The following XPO6 variants were observed in gnomAD, a reference collection of about 807,000 sequenced individuals.
XPO6 encodes the protein exportin 6, also known as exportin-6.
A neutral mutation model predicts 130.0 loss-of-function variants in XPO6; 3 were observed. That is an observed-to-expected ratio of 0.02 (90% CI 0.01 to 0.06). XPO6 has a LOEUF of 0.06. Among genes scored for constraint, XPO6 ranks in the 10% least tolerant of loss-of-function variants. XPO6 has a pLI of 1.00. For synonymous variants in XPO6, 524 were observed against 548.9 expected (o/e 0.95, Z 0.63); for missense variants, 970 against 1,393.0 (o/e 0.70, Z 4.83).
intron 4 of XPO6, among the ~76,000 whole-genome samples, chr16:28,171,188 C>G (rs143961117): frequency 6.6e-6 from 1 of 151,448 alleles, no homozygotes; most frequent in Non-Finnish European, 1.5e-5. Flanking sequence ...ATACAGGGTA[C>G]GGGCTGGGCG....
chr16:28,193,060 C>A (rs2043809792), intron 1 of XPO6, among the ~76,000 whole-genome samples: 1 of 152,256 alleles, frequency 6.6e-6, no homozygotes, highest in South Asian at 2.1e-4. Flanking sequence ...GTTCTTCTTA[C>A]GTAAACTCCA....
At chr16:28,172,670 T>C (rs964987893) in intron 4 of XPO6, among the ~76,000 whole-genome samples, 2 of 152,004 alleles carry the variant, frequency 1.3e-5, no homozygotes, top group Non-Finnish European at 2.9e-5. Context: ...CCCCTCTCTA[T>C]CTGGTTATGG....
chr16:28,193,720 GAGA>G (rs2043817532), intron 1 of XPO6, among the ~76,000 whole-genome samples: 1 of 152,138 alleles, frequency 6.6e-6, no homozygotes, highest in Admixed American at 6.5e-5. Context: ...TCCCTGGAGA[GAGA>G]AGATGATAAC....
intron 4 of XPO6, among the ~76,000 whole-genome samples, chr16:28,170,332 C>CAA (rs10638478): frequency 0.071 from 5,769 of 81,198 alleles, 421 homozygotes; most frequent in East Asian, 0.23. Flanking sequence ...AACTCTGTCT[C>CAA]AAAAAAAAAA....
intron 1 of XPO6, among the ~76,000 whole-genome samples, chr16:28,196,534 A>T (rs184481316): frequency 1.3e-5 from 2 of 152,290 alleles, no homozygotes; most frequent in East Asian, 3.9e-4. Context: ...ACCGAACTGC[A>T]TACTTTAAAA....
At chr16:28,182,216 C>T (rs1309481379) in intron 1 of XPO6, among the ~76,000 whole-genome samples, 2 of 152,188 alleles carry the variant, frequency 1.3e-5, no homozygotes, top group East Asian at 1.9e-4. Flanking sequence ...AAACAACAAG[C>T]CCACACTCAA....
intron 1 of XPO6, among the ~76,000 whole-genome samples, chr16:28,191,855 G>C (rs2043791524): frequency 6.6e-6 from 1 of 152,220 alleles, no homozygotes; most frequent in Non-Finnish European, 1.5e-5. Context: ...TACTGCTCAG[G>C]TGAGTAATTT....
Position 28,135,253 on chromosome 16 carries a change from T to G in XPO6, c.1406A>C (p.Gln469Pro). ...AGTCTCATCATCCAACTCCTCCAGC[T>G]GGGCTTGGTTGTATCTGAACTGGAT... The part of the protein sequence containing the change: ...NRIQFRYNQA[Q>P]LEELDDETLD... Residue 469 changes from glutamine to proline, a missense_variant, in exon 10 of 24, where the codon CAG (glutamine) becomes CCG (proline). Gln to Pro is a moderately conservative substitution (Grantham distance 76). Transcript: ENST00000304658. The G allele has an allele frequency of 1.9e-6, 3 of 1,613,994 alleles. No individual in the cohort carries two copies. Among genetic ancestry groups the G allele is most frequent in the Non-Finnish European group, 2.5e-6 (3 of 1,179,940 alleles).
In XPO6 at chr16:28,124,058, CTT is replaced by C. The variant is rs5816463; in HGVS notation, c.1766+1629_1766+1630del. Among the ~76,000 whole-genome samples, 644 of 138,224 alleles carry C rather than the reference CTT, an allele frequency of 4.7e-3. 4 individuals are homozygous for C. Among genetic ancestry groups the C allele is most frequent in the African/African-American group, 0.016 (609 of 37,142 alleles). 90.7% of individuals were successfully genotyped at this position (138,224 alleles called of 152,430 possible). On this transcript the variant is annotated intron_variant, in intron 13 of 23. Coordinates refer to ENST00000304658, the MANE Select transcript of XPO6 (RefSeq NM_015171.4). ...AAGTTGAGATGACTGACAGATATAC[CTT>C]TTTTTTTTTTTTTTGAGACGGAGTT...
intron 6 of XPO6, among the ~76,000 whole-genome samples, chr16:28,164,472 C>G (rs1429881445): frequency 6.6e-6 from 1 of 152,090 alleles, no homozygotes; most frequent in African/African-American, 2.4e-5. Context: ...AATGAACATG[C>G]AATTTTTTTT....
chr16:28,155,999 TGCCATGCAGCACAG>T, intron 7 of XPO6, 61 bp downstream of exon 7: 1 of 1,516,546 alleles, frequency 6.6e-7, no homozygotes, highest in Non-Finnish European at 8.8e-7. Context: ...GGATTACAGA[TGCCATGCAGCACAG>T]CATGGTAAAC....
intron 15 of XPO6, 95 bp downstream of exon 15, chr16:28,117,221 ACT>A: frequency 2.0e-6 from 3 of 1,509,966 alleles, no homozygotes; most frequent in Non-Finnish European, 2.7e-6. Flanking sequence ...TATGGGTCTA[ACT>A]CTGTGTCATA....
chr16:28,106,393 T>A lies in XPO6; in HGVS notation c.2602A>T (p.Met868Leu), dbSNP rs1352800928. The change falls in exon 19 of 24, where the codon ATG becomes TTG. Residue 868 changes from methionine to leucine, a missense_variant. This residue lies in a region of XPO6 where 936 missense variants were observed against 1,306.8 expected (regional missense o/e 0.72). Coordinates refer to ENST00000304658, the MANE Select transcript of XPO6 (RefSeq NM_015171.4). The surrounding 1 kb of genome is among the most constrained non-coding windows in gnomAD (Gnocchi z 4.2). ...TEQIIQTFLN[M>L]FTREQLAESI... Reference sequence around the variant, plus strand: ...TGGGTCTGTGCTTACCTGGTAAACATGTTGAGGAAAGTCTGTATGATTTGC... The same window carrying A: ...TGGGTCTGTGCTTACCTGGTAAACAAGTTGAGGAAAGTCTGTATGATTTGC... 1.9e-6 allele frequency: 3 copies of A among 1,614,122 alleles called. No individual in the cohort carries two copies. Among genetic ancestry groups the A allele is most frequent in the Admixed American group, 1.7e-5 (1 of 60,032 alleles).
intron 11 of XPO6, 102 bp downstream of exon 11, chr16:28,133,738 AG>A: frequency 1.0e-6 from 1 of 975,724 alleles, no homozygotes. Context: ...AATTACATAG[AG>A]GGGAAAGAGG....
intron 12 of XPO6, among the ~76,000 whole-genome samples, chr16:28,129,677 C>T (rs2042628038): frequency 6.6e-6 from 1 of 152,178 alleles, no homozygotes; most frequent in Non-Finnish European, 1.5e-5. Context: ...AGCATTCAGG[C>T]ATTTCCCTCT....
intron 1 of XPO6, among the ~76,000 whole-genome samples, chr16:28,189,853 T>C (rs553472414): frequency 6.6e-6 from 1 of 152,390 alleles, no homozygotes; most frequent in South Asian, 2.1e-4. Flanking sequence ...AAAAGCACTT[T>C]TCTGCTTTAA....
At chr16:28,157,338 C>T (rs1444653225) in intron 6 of XPO6, among the ~76,000 whole-genome samples, 1 of 151,898 alleles carries the variant, frequency 6.6e-6, no homozygotes, top group Non-Finnish European at 1.5e-5. Flanking sequence ...GCCTGTAATC[C>T]CAGCTACTTG....
intron 1 of XPO6, among the ~76,000 whole-genome samples, chr16:28,196,551 C>T (rs893048001): frequency 6.6e-6 from 1 of 152,092 alleles, no homozygotes; most frequent in African/African-American, 2.4e-5. Context: ...AAAATGGTGA[C>T]GTTTTATGTT....
chr16:28,174,790 C>T (rs1009632865), intron 4 of XPO6, among the ~76,000 whole-genome samples: 27 of 152,302 alleles, frequency 1.8e-4, no homozygotes, highest in Non-Finnish European at 3.1e-4. Context: ...AGACTATAAA[C>T]AATTTTCAAA....
Sources: allele counts gnomAD v4.1 joint callset (sites outside exome capture counted in the v4.1 genomes callset), GRCh38; gene constraint gnomAD v4.1.1; regional missense constraint gnomAD v4.1.1; non-coding constraint Gnocchi (gnomAD v3.1); transcripts MANE v1.5; gene names NCBI Gene and HGNC (gene_info 2026-07-23, HGNC 2026-07-21).